Variants in URB2 observed in about 807,000 individuals in gnomAD.
URB2 encodes unhealthy ribosome biogenesis protein 2 homolog.
A neutral mutation model predicts 120.9 loss-of-function variants in URB2; 86 were observed. The observed-to-expected ratio is 0.71, with a 90% CI of 0.60 to 0.85. The LOEUF is 0.85. Ranked by LOEUF, URB2 falls within the 40% of genes least tolerant of loss-of-function variation. The pLI is 0.00. For missense variants in URB2, 1,765 were observed against 1,836.5 expected, an observed-to-expected ratio of 0.96 and a Z score of 0.71; for synonymous variants, 755 against 758.4, an observed-to-expected ratio of 1.00 and a Z score of 0.07.
Position 229,632,260 on chromosome 1 carries a change from C to T in URB2, c.127-9C>T. 6.5e-7 allele frequency: 1 copy of T among 1,530,436 alleles called. No homozygotes were observed. Among genetic ancestry groups the T allele is most frequent in the Non-Finnish European group, 8.7e-7 (1 of 1,147,946 alleles). The allele number at this position is 1,530,436 out of a possible 1,614,324, so 94.8% of individuals were successfully genotyped here. A position where few individuals can be genotyped will look rare whatever the true frequency, so the allele number is the denominator to read the frequency against. On this transcript the variant is annotated splice_polypyrimidine_tract_variant and intron_variant, in intron 2 of 9. Transcript: ENST00000258243. Reference sequence around the variant, plus strand: ...ATTTATTTTCAGTGTATGTGTCCTTCAAATTCAGGTGTTACTTGATTGGGC... The same window carrying T: ...ATTTATTTTCAGTGTATGTGTCCTTTAAATTCAGGTGTTACTTGATTGGGC...
chr1:229,637,091 T>C lies in URB2; in HGVS notation c.2478T>C (p.Gly826=). The change falls in exon 4 of 10, where the codon GGT becomes GGC. Residue 826 remains glycine, a synonymous_variant. Coordinates refer to ENST00000258243, the MANE Select transcript of URB2 (RefSeq NM_014777.4). ...GTTGCTCCAGCATTCTGTGTTCTGG[T>C]GCCCAGCGTGACTCAGGTCTTGTCA... The part of the protein sequence containing the change: ...TTSCSSILCS[G]AQRDSGLVSQ... 1 of 1,613,664 alleles carries C rather than the reference T, an allele frequency of 6.2e-7. No individual in the cohort carries two copies. The highest frequency in any genetic ancestry group is 8.5e-7 in the Non-Finnish European group (1 of 1,179,760).
At chr1:229,642,183 G>A (rs2102790999) in intron 4 of URB2, among the ~76,000 whole-genome samples, 1 of 152,352 alleles carries the variant, frequency 6.6e-6, no homozygotes, top group Admixed American at 6.5e-5. Flanking sequence ...ATGGGACTCG[G>A]TGGAGAGGCC....
Position 229,629,401 on chromosome 1 carries a change from C to A in URB2, c.126+1642C>A, listed in dbSNP as rs556257226. 2.0e-5 allele frequency among the ~76,000 whole-genome samples: 3 copies of A among 152,260 alleles called. No individual in the cohort carries two copies. The South Asian group carries it at 6.2e-4, about 32-fold the overall frequency. ...GTCTTTGTATTTCTAACTTTTAGAA[C>A]TTGGTACATGCATATCTCAGAGATA... is the stretch of plus-strand genomic sequence containing the variant. On this transcript the variant is annotated intron_variant, in intron 2 of 9. Coordinates refer to ENST00000258243, the MANE Select transcript of URB2 (RefSeq NM_014777.4).
chr1:229,635,213 C>T lies in URB2; in HGVS notation c.600C>T (p.His200=), dbSNP rs769482838. The T allele has an allele frequency of 2.5e-6, 4 of 1,614,150 alleles. No individual in the cohort carries two copies. Among genetic ancestry groups the T allele is most frequent in the Non-Finnish European group, 3.4e-6 (4 of 1,180,066 alleles). Residue 200 remains histidine, a synonymous_variant, in exon 4 of 10, where the codon CAC becomes CAT. Coordinates refer to ENST00000258243, the MANE Select transcript of URB2 (RefSeq NM_014777.4). ...PRRAFGDVTA[H]LLQPCLVLRH... is the part of the protein sequence containing the mutation. ...GTGCCTTTGGGGATGTGACTGCTCA[C>T]CTGCTCCAGCCGTGCCTGGTCCTGA... is the stretch of plus-strand genomic sequence containing the variant.
chr1:229,627,190 T>C (rs545159020), intron 1 of URB2, among the ~76,000 whole-genome samples: 3 of 152,304 alleles, frequency 2.0e-5, no homozygotes, highest in African/African-American at 7.2e-5. Flanking sequence ...TCCTTTGGGG[T>C]TTTCTTTTTC....
chr1:229,636,601 C>A lies in URB2; in HGVS notation c.1988C>A (p.Thr663Lys), dbSNP rs1372421431. Residue 663 changes from threonine to lysine, a missense_variant, in exon 4 of 10, where the codon ACA becomes AAA. Thr to Lys is a moderately conservative substitution (Grantham distance 78). Coordinates refer to ENST00000258243, the MANE Select transcript of URB2 (RefSeq NM_014777.4). Reference protein sequence around the residue: ...TQHWKKIEKFTAQFSSLGTYC... With the variant: ...TQHWKKIEKFKAQFSSLGTYC... ...CATTGGAAGAAGATAGAGAAGTTTACAGCTCAGTTCAGCTCTCTTGGTACA... is the reference window on the plus strand; with the variant it reads ...CATTGGAAGAAGATAGAGAAGTTTAAAGCTCAGTTCAGCTCTCTTGGTACA... 1 of 1,614,088 alleles carries A rather than the reference C, an allele frequency of 6.2e-7. No individual in the cohort carries two copies. Among genetic ancestry groups the A allele is most frequent in the Non-Finnish European group, 8.5e-7 (1 of 1,180,024 alleles).
chr1:229,630,885 G>C (rs1426109305), intron 2 of URB2, among the ~76,000 whole-genome samples: 1 of 151,354 alleles, frequency 6.6e-6, no homozygotes, highest in African/African-American at 2.4e-5. Flanking sequence ...AGGAGGCTGA[G>C]GCAGAAGAAT....
chr1:229,651,202 T>G (rs766979615), intron 7 of URB2, 33 bp from the exon 8 acceptor site: 1 of 1,571,634 alleles, frequency 6.4e-7, no homozygotes. Flanking sequence ...TAATCACGTA[T>G]GTACTTTTAC....
Position 229,654,471 on chromosome 1 carries a change from G to C in URB2, c.4377+83G>C. The C allele has an allele frequency of 1.9e-6, 3 of 1,583,152 alleles. No homozygotes were observed. The South Asian group carries it at 3.4e-5, about 18-fold the overall frequency. On this transcript the variant is annotated intron_variant, in intron 9 of 9. Transcript: ENST00000258243. ...TTTCTCAACCAAAATGGCAAGCGGT[G>C]TTCTGGATCTGACAGTTCTCTGTTG... is the stretch of plus-strand genomic sequence containing the variant.
intron 3 of URB2, among the ~76,000 whole-genome samples, chr1:229,632,936 T>G (rs1665709061): frequency 6.6e-6 from 1 of 151,848 alleles, no homozygotes; most frequent in South Asian, 2.1e-4. Context: ...AGATCAGAAG[T>G]AGGAACTTCA....
intron 8 of URB2, among the ~76,000 whole-genome samples, chr1:229,653,936 GTTT>G (rs760894683): frequency 1.7e-5 from 1 of 60,566 alleles, no homozygotes. Flanking sequence ...CCATCTTGGT[GTTT>G]TTTTTTTTTT....
intron 6 of URB2, among the ~76,000 whole-genome samples, chr1:229,647,191 G>A (rs1370548853): frequency 6.6e-6 from 1 of 152,182 alleles, no homozygotes; most frequent in Non-Finnish European, 1.5e-5. Flanking sequence ...GTGAGAGACA[G>A]GACCCAAAAG....
chr1:229,639,304 AT>A (rs1665941724), intron 4 of URB2, among the ~76,000 whole-genome samples: 1 of 151,880 alleles, frequency 6.6e-6, no homozygotes. Context: ...TCATAAAAAA[AT>A]AAATTAAAAA....
At chr1:229,652,465 C>T (rs986983755) in intron 8 of URB2, among the ~76,000 whole-genome samples, 1 of 152,200 alleles carries the variant, frequency 6.6e-6, no homozygotes, top group Non-Finnish European at 1.5e-5. Context: ...TTTAACCAGA[C>T]ATCTTTTGAG....
chr1:229,653,341 T>C (rs988660114), intron 8 of URB2, among the ~76,000 whole-genome samples: 3 of 152,226 alleles, frequency 2.0e-5, no homozygotes, highest in African/African-American at 7.2e-5. Flanking sequence ...GTTTAAAGTA[T>C]AAAATTTAAT....
intron 5 of URB2, 64 bp downstream of exon 5, chr1:229,643,757 T>C: frequency 6.4e-7 from 1 of 1,561,468 alleles, no homozygotes; most frequent in Non-Finnish European, 8.7e-7. Flanking sequence ...ATGGGAAAAC[T>C]GATTTGAGAT....
In URB2 at chr1:229,636,292, C is replaced by A. The variant is rs779203345; in HGVS notation, c.1679C>A (p.Thr560Lys). The change falls in exon 4 of 10, where the codon ACG (threonine) becomes AAG (lysine). Residue 560 changes from threonine to lysine, a missense_variant. Transcript: ENST00000258243. ...MFNMRSLDSSTPLPIVRRTQC... is the reference protein window; with the variant it reads ...MFNMRSLDSSKPLPIVRRTQC... ...AACATGAGGAGCCTGGACAGCAGCA[C>A]GCCTCTGCCCATTGTCAGACGGACA... 1.9e-6 allele frequency: 3 copies of A among 1,614,224 alleles called. No homozygotes were observed. The highest frequency in any genetic ancestry group is 3.3e-5 in the Admixed American group (2 of 60,030).
At chr1:229,629,029 G>A (rs1315222307) in intron 2 of URB2, among the ~76,000 whole-genome samples, 1 of 152,212 alleles carries the variant, frequency 6.6e-6, no homozygotes, top group Non-Finnish European at 1.5e-5. Flanking sequence ...ATTGGATCAA[G>A]GTTTCTGCTG....
chr1:229,645,991 G>A, intron 6 of URB2, 22 bp downstream of exon 6: 1 of 1,601,674 alleles, frequency 6.2e-7, no homozygotes, highest in Non-Finnish European at 8.6e-7. Context: ...CTGGAGATGT[G>A]TCCTCTAGCT....
Sources: allele counts gnomAD v4.1 joint callset (sites outside exome capture counted in the v4.1 genomes callset), GRCh38; gene constraint gnomAD v4.1.1; transcripts MANE v1.5; gene names NCBI Gene and HGNC (gene_info 2026-07-23, HGNC 2026-07-21).